The following CNTNAP4 variants were observed in gnomAD, a reference collection of about 807,000 sequenced individuals.
CNTNAP4 encodes contactin associated protein family member 4, also known as contactin-associated protein-like 4.
A neutral mutation model predicts 148.4 loss-of-function variants in CNTNAP4; 98 were observed. The ratio of observed to expected loss-of-function variants is 0.66; its 90% confidence interval spans 0.56 to 0.78. The LOEUF (loss-of-function observed/expected upper bound fraction) is 0.78. Among genes scored for constraint, CNTNAP4 ranks in the 30% least tolerant of loss-of-function variants. CNTNAP4 has a pLI of 0.00. For synonymous variants in CNTNAP4, 730 were observed against 565.1 expected (o/e 1.29, Z -4.14); for missense variants, 1,935 against 1,565.6 (o/e 1.24, Z -3.98).
chr16:76,548,295 C>T (rs1448040067), intron 21 of CNTNAP4, among the ~76,000 whole-genome samples: 1 of 92,908 alleles, frequency 1.1e-5, no homozygotes, highest in African/African-American at 4.1e-5. Flanking sequence ...TTCACTGCAC[C>T]TTTTTTTTTT....
At chr16:76,277,772 A>C in intron 1 of CNTNAP4, 25 bp downstream of exon 1, 1 of 1,430,660 alleles carries the variant, frequency 7.0e-7, no homozygotes, top group South Asian at 1.2e-5. Context: ...AATGATTTAA[A>C]ACTTGCTGGG....
intron 21 of CNTNAP4, among the ~76,000 whole-genome samples, chr16:76,542,402 G>A (rs548687300): frequency 6.6e-6 from 1 of 152,240 alleles, no homozygotes; most frequent in Admixed American, 6.5e-5. Context: ...GTATAGCTAT[G>A]GCATAGCGTA....
At chr16:76,540,815 C>G in intron 21 of CNTNAP4, 25 bp downstream of exon 21, 2 of 1,465,688 alleles carry the variant, frequency 1.4e-6, no homozygotes, top group Non-Finnish European at 1.9e-6. Flanking sequence ...CAACCTTTCC[C>G]CTAACCATGC....
intron 12 of CNTNAP4, among the ~76,000 whole-genome samples, chr16:76,480,900 C>A (rs536473673): frequency 4.6e-5 from 7 of 152,174 alleles, no homozygotes; most frequent in African/African-American, 1.4e-4. Context: ...CAAGCATATT[C>A]TAAAATTATG....
intron 3 of CNTNAP4, among the ~76,000 whole-genome samples, chr16:76,412,104 A>G (rs925720315): frequency 2.0e-5 from 3 of 151,378 alleles, no homozygotes; most frequent in African/African-American, 7.3e-5. Context: ...CTTATGAAAA[A>G]CACCCATGTT....
chr16:76,383,106 A>G (rs533049483), intron 3 of CNTNAP4, among the ~76,000 whole-genome samples: 2 of 117,718 alleles, frequency 1.7e-5, no homozygotes, highest in East Asian at 8.0e-4. Context: ...TCAAGCATTT[A>G]TCCCACTTTT....
At position 76,477,619 on chromosome 16, in the gene CNTNAP4, T is replaced by A. The variant is rs180690169; in HGVS notation, c.1762+1574T>A. ...GAGTCATTTCTGGGCATGAATTGTG[T>A]ATACTGAGGTGCCTCATAAGATTTT... On this transcript the variant is annotated intron_variant, in intron 11 of 23. Transcript: ENST00000611870. 1.8e-4 allele frequency among the ~76,000 whole-genome samples: 28 copies of A among 152,272 alleles called. No individual in the cohort carries two copies. The East Asian group carries it at 5.0e-3, about 27-fold the overall frequency.
chr16:76,299,471 C>G (rs942429904), intron 1 of CNTNAP4, among the ~76,000 whole-genome samples: 1 of 151,956 alleles, frequency 6.6e-6, no homozygotes, highest in East Asian at 1.9e-4. Context: ...GTTAGAATGG[C>G]GATCATTAAA....
chr16:76,559,098 G>A lies in CNTNAP4; in HGVS notation c.*415G>A, dbSNP rs1027994038. 2 of 152,714 alleles carry A rather than the reference G, an allele frequency of 1.3e-5. No individual in the cohort carries two copies. The highest frequency in any genetic ancestry group is 4.8e-5 in the African/African-American group (2 of 41,416). The allele number at this position is 152,714 out of a possible 1,614,324, so 9.5% of individuals were successfully genotyped here. A position where few individuals can be genotyped will look rare whatever the true frequency, so the allele number is the denominator to read the frequency against. Reference sequence around the variant, plus strand: ...GCTGTGTTTGCTTTTGTCTCCTCGTGGTGTTATTCATAGACCTGGAAATGC... The same window carrying A: ...GCTGTGTTTGCTTTTGTCTCCTCGTAGTGTTATTCATAGACCTGGAAATGC... On this transcript the variant is annotated 3_prime_UTR_variant, in exon 24 of 24. Transcript: ENST00000611870.
chr16:76,542,891 A>G (rs1354606446), intron 21 of CNTNAP4, among the ~76,000 whole-genome samples: 4 of 152,204 alleles, frequency 2.6e-5, no homozygotes, highest in Admixed American at 2.6e-4. Flanking sequence ...TCTGTGCAAG[A>G]TATTATACCA....
chr16:76,326,864 G>A lies in CNTNAP4; in HGVS notation c.196+10341G>A, dbSNP rs554576891. ...ACCTAATGCTAAATGACGAGTTAAT[G>A]TGTGCAGCACACCAACATGGCACAT... On this transcript the variant is annotated intron_variant, in intron 2 of 23. Coordinates refer to ENST00000611870, the MANE Select transcript of CNTNAP4 (RefSeq NM_033401.5). Among the ~76,000 whole-genome samples the A allele has an allele frequency of 2.6e-5, 4 of 152,114 alleles. No individual in the cohort carries two copies. In the East Asian group the frequency reaches 7.7e-4, roughly 29 times the overall value.
intron 1 of CNTNAP4, among the ~76,000 whole-genome samples, chr16:76,278,369 A>C (rs1958561579): frequency 6.6e-6 from 1 of 152,198 alleles, no homozygotes; most frequent in Non-Finnish European, 1.5e-5. Context: ...ATTTCGCTTA[A>C]AGGAAAACCA....
chr16:76,355,775 C>CTATTTAATGGACTAATTATAAA (rs2012521602), intron 3 of CNTNAP4, among the ~76,000 whole-genome samples: 1 of 146,572 alleles, frequency 6.8e-6, no homozygotes, highest in African/African-American at 2.4e-5. Flanking sequence ...GTGTGGGAGT[C>CTATTTAATGGACTAATTATAAA]TAAGAAATAA....
chr16:76,355,482 A>T lies in CNTNAP4; in HGVS notation c.361A>T (p.Lys121Ter). ...LMFSDSGWNW[K>*]QYRQEDSIWG... ...GTTCAGTGATAGTGGCTGGAACTGGAAACAATATCGCCAAGAGGACAGCAT... is the reference window on the plus strand; with the variant it reads ...GTTCAGTGATAGTGGCTGGAACTGGTAACAATATCGCCAAGAGGACAGCAT... The change falls in exon 3 of 24, where the codon AAA (lysine) becomes TAA (stop). Residue 121 changes from lysine (K) to a stop codon, truncating the protein, a stop_gained. Coordinates refer to ENST00000611870, the MANE Select transcript of CNTNAP4 (RefSeq NM_033401.5). LOFTEE classifies it high-confidence loss of function. 4.3e-6 allele frequency: 7 copies of T among 1,610,434 alleles called. No homozygotes were observed. The highest frequency in any genetic ancestry group is 5.1e-6 in the Non-Finnish European group (6 of 1,178,506).
chr16:76,399,565 A>G (rs1305172258), intron 3 of CNTNAP4, among the ~76,000 whole-genome samples: 1 of 152,206 alleles, frequency 6.6e-6, no homozygotes, highest in Admixed American at 6.5e-5. Flanking sequence ...GAATACCTAC[A>G]CAGTTGACAA....
chr16:76,407,880 T>C (rs1024926179), intron 3 of CNTNAP4, among the ~76,000 whole-genome samples: 1 of 152,090 alleles, frequency 6.6e-6, no homozygotes, highest in African/African-American at 2.4e-5. Flanking sequence ...TACAGAGAAG[T>C]CTTTCATGAA....
chr16:76,418,284 G>A lies in CNTNAP4; in HGVS notation c.391-9168G>A, dbSNP rs149918489. Reference sequence around the variant, plus strand: ...CCCACAATTCTTGATACTATCTTATGCTTTTCTTTTTTCTTTTTCTATTAC... The same window carrying A: ...CCCACAATTCTTGATACTATCTTATACTTTTCTTTTTTCTTTTTCTATTAC... On this transcript the variant is annotated intron_variant, in intron 3 of 23. Coordinates refer to ENST00000611870, the MANE Select transcript of CNTNAP4 (RefSeq NM_033401.5). Among the ~76,000 whole-genome samples, 170 of 148,372 alleles carry A rather than the reference G, an allele frequency of 1.1e-3. 1 individual carries two copies. The East Asian group carries it at 0.021, about 18-fold the overall frequency.
Position 76,475,967 on chromosome 16 carries a change from G to C in CNTNAP4, c.1684G>C (p.Gly562Arg). ...RCLPNYCEHG[G>R]ECSQSWSTFH... ...TTTGCCCAACTATTGTGAACACGGT[G>C]GGGAGTGTTCCCAGTCCTGGAGCAC... The change falls in exon 11 of 24, where the codon GGG becomes CGG. Residue 562 changes from glycine (G) to arginine (R), a missense_variant. Coordinates refer to ENST00000611870, the MANE Select transcript of CNTNAP4 (RefSeq NM_033401.5). 6.2e-7 allele frequency: 1 copy of C among 1,613,768 alleles called. No homozygotes were observed. Among genetic ancestry groups the C allele is most frequent in the African/African-American group, 1.3e-5 (1 of 75,058 alleles).
intron 15 of CNTNAP4, among the ~76,000 whole-genome samples, chr16:76,515,790 G>A (rs1217456185): frequency 6.6e-6 from 1 of 151,562 alleles, no homozygotes; most frequent in Non-Finnish European, 1.5e-5. Flanking sequence ...CCTCTCAAAA[G>A]GACTAAGATT....
Sources: allele counts gnomAD v4.1 joint callset (sites outside exome capture counted in the v4.1 genomes callset), GRCh38; gene constraint gnomAD v4.1.1; transcripts MANE v1.5; gene names NCBI Gene and HGNC (gene_info 2026-07-23, HGNC 2026-07-21).